GAS2: variants seen among roughly 807,000 people sequenced by gnomAD.
The protein encoded by GAS2 is growth arrest-specific protein 2.
In GAS2, 20 loss-of-function variants were observed where a neutral mutation model predicts 37.5. The observed-to-expected ratio is 0.53, with a 90% confidence interval of 0.37 to 0.77. GAS2 has a LOEUF of 0.77. Among genes scored for constraint, GAS2 ranks in the 30% least tolerant of loss-of-function variants. The pLI is 0.00. For synonymous variants in GAS2, 144 were observed against 132.2 expected (o/e 1.09, Z -0.61); for missense variants, 336 against 373.4 (o/e 0.90, Z 0.82).
intron 2 of GAS2, among the ~76,000 whole-genome samples, chr11:22,675,750 G>A (rs546103363): frequency 6.6e-6 from 1 of 152,178 alleles, no homozygotes; most frequent in Admixed American, 6.6e-5. Context: ...TGAGAAAAAA[G>A]ATCCCTGTAG....
chr11:22,697,642 C>T (rs1850601620), intron 3 of GAS2, among the ~76,000 whole-genome samples: 2 of 152,100 alleles, frequency 1.3e-5, no homozygotes, highest in African/African-American at 4.8e-5. Context: ...TGTAGTTCTC[C>T]TTGAAGAGGT....
At chr11:22,726,862 C>A (rs1422780770) in intron 4 of GAS2, among the ~76,000 whole-genome samples, 1 of 152,026 alleles carries the variant, frequency 6.6e-6, no homozygotes, top group African/African-American at 2.4e-5. Context: ...ACACTATTGA[C>A]CATAAGCTCT....
chr11:22,747,907 G>A (rs926579578), intron 5 of GAS2, among the ~76,000 whole-genome samples: 4 of 152,070 alleles, frequency 2.6e-5, no homozygotes, highest in Non-Finnish European at 4.4e-5. Context: ...TAGGGAAATC[G>A]CTTTCCCCTC....
At chr11:22,733,020 A>G (rs146426711) in intron 4 of GAS2, among the ~76,000 whole-genome samples, 1 of 151,756 alleles carries the variant, frequency 6.6e-6, no homozygotes, top group Non-Finnish European at 1.5e-5. Flanking sequence ...AGAGCTGGAT[A>G]GGTCCCCAAA....
chr11:22,696,650 T>C (rs1163455486), intron 3 of GAS2, among the ~76,000 whole-genome samples: 8 of 151,422 alleles, frequency 5.3e-5, no homozygotes, highest in African/African-American at 1.2e-4. Flanking sequence ...TGGTGTGAGA[T>C]GGTATCTCAT....
intron 7 of GAS2, among the ~76,000 whole-genome samples, chr11:22,757,167 C>G (rs372107938): frequency 2.0e-5 from 3 of 152,116 alleles, no homozygotes; most frequent in East Asian, 3.9e-4. Context: ...ATACTTCTCC[C>G]TGCAATGTAA....
chr11:22,634,533 C>T (rs960552002), intron 1 of GAS2, among the ~76,000 whole-genome samples: 1 of 152,324 alleles, frequency 6.6e-6, no homozygotes, highest in South Asian at 2.1e-4. Context: ...TTTTGGGACT[C>T]AAGGCCTGCA....
rs556343889 is a variant in GAS2 at position 22,794,522 on chromosome 11, C to T, written c.724-17276C>T. The stretch of plus-strand genomic sequence containing the variant: ...CTAGCCATCTTTTCTCTCCCCTTCC[C>T]CCACTCACCACACATATTACACTTC... On this transcript the variant is annotated intron_variant, in intron 7 of 7. Coordinates refer to ENST00000454584, the MANE Select transcript of GAS2 (RefSeq NM_001143830.3). 3.9e-5 allele frequency among the ~76,000 whole-genome samples: 6 copies of T among 152,222 alleles called. No individual in the cohort carries two copies. In the South Asian group the frequency reaches 1.0e-3, roughly 26 times the overall value.
chr11:22,689,990 T>C (rs1850159843), intron 3 of GAS2, among the ~76,000 whole-genome samples: 1 of 152,192 alleles, frequency 6.6e-6, no homozygotes, highest in African/African-American at 2.4e-5. Flanking sequence ...TTTAAAAAAT[T>C]GACAAACTTG....
At chr11:22,797,164 G>A (rs907980814) in intron 7 of GAS2, among the ~76,000 whole-genome samples, 6 of 151,964 alleles carry the variant, frequency 3.9e-5, no homozygotes, top group African/African-American at 9.7e-5. Flanking sequence ...ACATAACAAC[G>A]AGATGAGGAC....
intron 3 of GAS2, among the ~76,000 whole-genome samples, chr11:22,715,303 A>T (rs1185224384): frequency 1.3e-5 from 2 of 151,696 alleles, no homozygotes; most frequent in African/African-American, 2.4e-5. Context: ...CTACTAAAAA[A>T]TACAAAAATT....
chr11:22,704,858 A>G (rs1372591344), intron 3 of GAS2, among the ~76,000 whole-genome samples: 2 of 151,722 alleles, frequency 1.3e-5, no homozygotes, highest in East Asian at 3.9e-4. Flanking sequence ...ATGTTGTTCT[A>G]TGTTGTTATA....
chr11:22,704,493 A>G (rs910468407), intron 3 of GAS2, among the ~76,000 whole-genome samples: 1 of 149,642 alleles, frequency 6.7e-6, no homozygotes. Flanking sequence ...AAAAGCTTCT[A>G]CAATTTTTAC....
chr11:22,668,566 C>T (rs991311720), intron 1 of GAS2, among the ~76,000 whole-genome samples: 5 of 151,714 alleles, frequency 3.3e-5, no homozygotes, highest in Admixed American at 6.6e-5. Context: ...AAATATTTCA[C>T]CAGGTGCAAA....
intron 1 of GAS2, among the ~76,000 whole-genome samples, chr11:22,638,097 G>A (rs1281218124): frequency 6.6e-6 from 1 of 151,818 alleles, no homozygotes; most frequent in Non-Finnish European, 1.5e-5. Flanking sequence ...TATTATATAA[G>A]CCTCCAAATT....
At chr11:22,635,331 A>G (rs760314911) in intron 1 of GAS2, among the ~76,000 whole-genome samples, 40 of 152,328 alleles carry the variant, frequency 2.6e-4, no homozygotes, top group East Asian at 9.7e-4. Context: ...CTGAGGGAAC[A>G]TTCCAGGGAG....
At chr11:22,652,993 G>GTCTTTCTTTCTTTCTTTTTCTT (rs1848806368) in intron 1 of GAS2, among the ~76,000 whole-genome samples, 9 of 97,114 alleles carry the variant, frequency 9.3e-5, no homozygotes, top group African/African-American at 3.9e-4. Context: ...TTCTTTCTTT[G>GTCTTTCTTTCTTTCTTTTTCTT]TCTTTCTTTC....
intron 1 of GAS2, among the ~76,000 whole-genome samples, chr11:22,641,288 CTTTA>C (rs1450321769): frequency 1.7e-5 from 2 of 117,772 alleles, no homozygotes; most frequent in Non-Finnish European, 3.4e-5. Context: ...ATATCTATAT[CTTTA>C]TATATATATC....
intron 5 of GAS2, among the ~76,000 whole-genome samples, chr11:22,745,632 A>G (rs1050045131): frequency 7.9e-5 from 12 of 152,170 alleles, no homozygotes; most frequent in African/African-American, 2.9e-4. Context: ...CTGCACAACA[A>G]AATAAATTCA....
Sources: gnomAD v4.1 joint callset for allele counts (sites outside exome capture counted in the v4.1 genomes callset) on GRCh38, gnomAD v4.1.1 for gene constraint, MANE v1.5 for transcripts, NCBI Gene and HGNC (gene_info 2026-07-23, HGNC 2026-07-21) for gene names.